STRBP: variants seen among roughly 807,000 people sequenced by gnomAD.
STRBP encodes spermatid perinuclear RNA binding protein.
A neutral mutation model predicts 80.1 loss-of-function variants in STRBP; 13 were observed. The ratio of observed to expected loss-of-function variants is 0.16; its 90% CI spans 0.11 to 0.26. The LOEUF (loss-of-function observed/expected upper bound fraction) is 0.26. Among genes scored for constraint, STRBP ranks in the 10% least tolerant of loss-of-function variants. The pLI is 1.00. For missense variants in STRBP, 485 were observed against 815.2 expected, an observed-to-expected ratio of 0.59 and a Z score of 4.93; for synonymous variants, 284 against 291.2, an observed-to-expected ratio of 0.98 and a Z score of 0.25.
intron 1 of STRBP, among the ~76,000 whole-genome samples, chr9:123,239,340 A>C (rs1367542360): frequency 1.3e-5 from 2 of 151,914 alleles, no homozygotes; most frequent in African/African-American, 2.4e-5. Context: ...GCGCCACTGC[A>C]CTCTGGCCTG....
intron 13 of STRBP, among the ~76,000 whole-genome samples, chr9:123,144,005 C>T (rs2036702057): frequency 6.6e-6 from 1 of 152,040 alleles, no homozygotes; most frequent in African/African-American, 2.4e-5. Context: ...CAAGACCAGC[C>T]TGGCCAACAT....
rs145638969 is a variant in STRBP at position 123,157,682 on chromosome 9, C to T, written c.1045+330G>A. ...ACATCCTTCTTCACATGGTGGCAGA[C>T]GTGCAGAGTGAAGTTGGGGAAAAGC... On this transcript the variant is annotated intron_variant, in intron 11 of 18. Coordinates refer to ENST00000348403, the MANE Select transcript of STRBP (RefSeq NM_018387.5). 1.4e-3 allele frequency among the ~76,000 whole-genome samples: 220 copies of T among 152,140 alleles called. 2 individuals carry two copies. The highest frequency in any genetic ancestry group is 2.8e-3 in the Non-Finnish European group (193 of 67,986).
intron 2 of STRBP, among the ~76,000 whole-genome samples, chr9:123,202,347 T>A (rs1043872728): frequency 2.0e-5 from 3 of 152,254 alleles, no homozygotes; most frequent in African/African-American, 7.2e-5. Context: ...TTGGTGTATA[T>A]CAGGCTTTTG....
intron 14 of STRBP, among the ~76,000 whole-genome samples, chr9:123,137,044 A>G (rs752918867): frequency 2.6e-5 from 4 of 152,216 alleles, no homozygotes; most frequent in African/African-American, 4.8e-5. Context: ...TAAAATAACA[A>G]TAAAGGCAGT....
chr9:123,258,758 G>A (rs2041093428), intron 1 of STRBP, among the ~76,000 whole-genome samples: 1 of 150,542 alleles, frequency 6.6e-6, no homozygotes, highest in Admixed American at 6.6e-5. Flanking sequence ...CCAAGATCGG[G>A]CCACTGCACT....
At chr9:123,245,864 T>C (rs1030108683) in intron 1 of STRBP, among the ~76,000 whole-genome samples, 3 of 152,202 alleles carry the variant, frequency 2.0e-5, no homozygotes, top group African/African-American at 7.2e-5. Context: ...CCACAAAAAT[T>C]ATCCCACTGA....
rs1656608594 is a variant in STRBP at position 123,110,782 on chromosome 9, A to G, written c.*85-1029T>C. 1 of 169,170 alleles carries G rather than the reference A, an allele frequency of 5.9e-6. No individual in the cohort carries two copies. Among genetic ancestry groups the G allele is most frequent in the Admixed American group, 6.5e-5 (1 of 15,282 alleles). The allele number at this position is 169,170 out of a possible 1,614,324, so 10.5% of individuals were successfully genotyped here. A position where few individuals can be genotyped will look rare whatever the true frequency, so the allele number is the denominator to read the frequency against. On this transcript the variant is annotated intron_variant and NMD_transcript_variant, in intron 3 of 3. Coordinates refer to the STRBP transcript ENST00000471564. The surrounding 1 kb of genome is among the most constrained non-coding windows in gnomAD (Gnocchi z 4.1). ...GAGGCCTACAATTTGGCTCCCCAGT[A>G]ACATTTCTAAAAATGAGCCCTCCTC...
intron 6 of STRBP, among the ~76,000 whole-genome samples, chr9:123,164,150 A>G (rs2037650320): frequency 6.6e-6 from 1 of 152,056 alleles, no homozygotes; most frequent in African/African-American, 2.4e-5. Context: ...GGCTCAAGCA[A>G]TTCCCATGCC....
chr9:123,158,233 T>A, intron 10 of STRBP, 99 bp downstream of exon 10: 1 of 1,486,622 alleles, frequency 6.7e-7, no homozygotes, highest in Non-Finnish European at 9.4e-7. Flanking sequence ...ACAGCAGAAG[T>A]CCCTAACAAC....
At position 123,137,132 on chromosome 9, in the gene STRBP, G is replaced by C. The variant is rs370123334; in HGVS notation, c.1498-617C>G. 5.3e-5 allele frequency among the ~76,000 whole-genome samples: 8 copies of C among 152,298 alleles called. No homozygotes were observed. The East Asian group carries it at 1.5e-3, about 29-fold the overall frequency. ...CTGCAAAATAACGTATGTTAAAGAG[G>C]AGATACATGCTATGGAAATAACTGA... On this transcript the variant is annotated intron_variant, in intron 14 of 18. Transcript: ENST00000348403.
chr9:123,247,403 GATTACAGGCTCCCGCCAC>G (rs1205073592), intron 1 of STRBP, among the ~76,000 whole-genome samples: 2 of 152,082 alleles, frequency 1.3e-5, no homozygotes, highest in African/African-American at 2.4e-5. Flanking sequence ...GAGTAGCTGG[GATTACAGGCTCCCGCCAC>G]CCCATCTGGC....
rs2035751010 is a variant in STRBP at position 123,122,049 on chromosome 9, A to G, written c.*3548T>C. The G allele has an allele frequency of 2.0e-5, 4 of 201,148 alleles. No individual in the cohort carries two copies. Among genetic ancestry groups the G allele is most frequent in the Non-Finnish European group, 4.1e-5 (4 of 98,442 alleles). The allele number at this position is 201,148 out of a possible 1,614,324, so 12.5% of individuals were successfully genotyped here. ...TTAAAACAAATGTTGAAAAATAACT[A>G]TTTTACATTTAGACCATACAATTTT... On this transcript the variant is annotated 3_prime_UTR_variant, in exon 19 of 19. Coordinates refer to ENST00000348403, the MANE Select transcript of STRBP (RefSeq NM_018387.5).
intron 12 of STRBP, 126 bp from the exon 13 acceptor site, chr9:123,147,180 A>T: frequency 1.6e-6 from 1 of 630,834 alleles, no homozygotes; most frequent in South Asian, 2.4e-5. Flanking sequence ...TTCAAAACAC[A>T]CAGATTAACC....
intron 1 of STRBP, among the ~76,000 whole-genome samples, chr9:123,257,813 T>C (rs1384100406): frequency 6.6e-6 from 1 of 151,826 alleles, no homozygotes; most frequent in Non-Finnish European, 1.5e-5. Context: ...CAAGACCCTG[T>C]CTCAAAAAAA....
At chr9:123,153,634 AAGAGC>A (rs1470405385) in intron 11 of STRBP, among the ~76,000 whole-genome samples, 1 of 152,170 alleles carries the variant, frequency 6.6e-6, no homozygotes, top group African/African-American at 2.4e-5. Flanking sequence ...ATAGAAAGAG[AAGAGC>A]AAAGGGAGAG....
chr9:123,200,204 TACTAG>T, intron 2 of STRBP, among the ~76,000 whole-genome samples: 1 of 152,318 alleles, frequency 6.6e-6, no homozygotes, highest in Middle Eastern at 3.4e-3. Flanking sequence ...AAACTACTCC[TACTAG>T]ACAAGTTTCT....
intron 1 of STRBP, among the ~76,000 whole-genome samples, chr9:123,252,548 A>T (rs2040939253): frequency 6.6e-6 from 1 of 152,256 alleles, no homozygotes; most frequent in Non-Finnish European, 1.5e-5. Context: ...AGGGCATTTT[A>T]AAACTTTTAA....
At chr9:123,255,655 A>G (rs1449544274) in intron 1 of STRBP, among the ~76,000 whole-genome samples, 2 of 152,216 alleles carry the variant, frequency 1.3e-5, no homozygotes, top group Admixed American at 1.3e-4. Context: ...TTCCAAATCA[A>G]TTATCTAGAT....
chr9:123,145,721 A>G (rs2036784415), intron 13 of STRBP, among the ~76,000 whole-genome samples: 1 of 152,170 alleles, frequency 6.6e-6, no homozygotes, highest in Non-Finnish European at 1.5e-5. Flanking sequence ...TGTTGTTACT[A>G]AACTATATGT....
Sources: allele counts gnomAD v4.1 joint callset (sites outside exome capture counted in the v4.1 genomes callset), GRCh38; gene constraint gnomAD v4.1.1; non-coding constraint Gnocchi (gnomAD v3.1); transcripts MANE v1.5; gene names NCBI Gene and HGNC (gene_info 2026-07-23, HGNC 2026-07-21).